ANKRD18A: variants seen among roughly 807,000 people sequenced by gnomAD.
ANKRD18A encodes the protein ankyrin repeat domain-containing protein 18A.
ANKRD18A carries 72 observed loss-of-function variants against 110.6 expected under a neutral mutation model. The ratio of observed to expected loss-of-function variants is 0.65; its 90% CI spans 0.54 to 0.79. The LOEUF (loss-of-function observed/expected upper bound fraction) is 0.79. Among genes scored for constraint, ANKRD18A ranks in the 30% least tolerant of loss-of-function variants. The probability of loss-of-function intolerance (pLI) is 0.00; values close to 1 mark genes in which losing one functional copy is unlikely to be tolerated. For missense variants in ANKRD18A, 934 were observed against 1,163.3 expected (o/e 0.80, Z 2.87); for synonymous variants, 305 against 410.3 (o/e 0.74, Z 3.10).
Position 38,610,266 on chromosome 9 carries a change from C to T in ANKRD18A, c.740+7G>A. On this transcript the variant is annotated splice_region_variant and intron_variant, in intron 5 of 15. Coordinates refer to ENST00000399703, the MANE Select transcript of ANKRD18A (RefSeq NM_147195.4). ...GTATTAACCGGTCTTTTAATATAAG[C>T]ACATACCTTCTCAAATCAGAACAAA... is the stretch of plus-strand genomic sequence containing the variant. The T allele has an allele frequency of 6.5e-7, 1 of 1,531,402 alleles. No homozygotes were observed. Among genetic ancestry groups the T allele is most frequent in the Non-Finnish European group, 8.8e-7 (1 of 1,140,348 alleles). 94.9% of individuals were successfully genotyped at this position (1,531,402 alleles called of 1,614,324 possible).
chr9:38,594,624 A>C (rs1443377429), intron 9 of ANKRD18A, among the ~76,000 whole-genome samples: 1 of 152,192 alleles, frequency 6.6e-6, no homozygotes, highest in African/African-American at 2.4e-5. Flanking sequence ...AAGTGGTCAG[A>C]AAAATACATA....
chr9:38,574,788 T>A (rs186328514), intron 15 of ANKRD18A, among the ~76,000 whole-genome samples: 20 of 152,234 alleles, frequency 1.3e-4, no homozygotes, highest in Admixed American at 1.3e-3. Context: ...GTTAAGTTGG[T>A]GCAAAGAAAC....
intron 15 of ANKRD18A, chr9:38,573,023 G>A (rs1326698732): frequency 2.2e-5 from 22 of 988,580 alleles, no homozygotes; most frequent in Non-Finnish European, 3.1e-5. Flanking sequence ...AATGCCATTT[G>A]CTATTTACAC....
chr9:38,618,137 A>G (rs1436955474), intron 1 of ANKRD18A, among the ~76,000 whole-genome samples: 2 of 152,184 alleles, frequency 1.3e-5, no homozygotes, highest in Non-Finnish European at 1.5e-5. Flanking sequence ...ATAGTGAGAA[A>G]TTATTTTTAT....
At chr9:38,569,442 C>T, downstream of ANKRD18A, 4 of 984,936 alleles carry the variant, frequency 4.1e-6, no homozygotes, top group Non-Finnish European at 4.8e-6. Context: ...TGCCTTTCAC[C>T]TAGAAAACAA....
chr9:38,589,575 G>A (rs1403323655), intron 10 of ANKRD18A, among the ~76,000 whole-genome samples: 1 of 152,134 alleles, frequency 6.6e-6, no homozygotes, highest in African/African-American at 2.4e-5. Flanking sequence ...TCTTTGTTCT[G>A]GGCCCAGTTT....
chr9:38,615,654 C>A lies in ANKRD18A; in HGVS notation c.435G>T (p.Lys145Asn), dbSNP rs774993738. The A allele has an allele frequency of 1.2e-6, 2 of 1,611,588 alleles. No individual in the cohort carries two copies. Among genetic ancestry groups the A allele is most frequent in the Non-Finnish European group, 1.7e-6 (2 of 1,179,630 alleles). Residue 145 changes from lysine to asparagine, a missense_variant, in exon 3 of 16, where the codon AAG becomes AAT. Transcript: ENST00000399703. ...NTALHYAVYNKGTSLAERLLS... is the reference protein window; with the variant it reads ...NTALHYAVYNNGTSLAERLLS... ...GCAGTCTTTCTGCCAGTGAAGTCCC[C>A]TTATTATACACGGCATAATGGAGAG...
Position 38,571,980 on chromosome 9 carries a change from T to TAA in ANKRD18A, c.*63_*64dup, listed in dbSNP as rs1448989851. ...CAACTTTTCCTTAAGATTTTATGGT[T>TAA]AATCTCTTCATTAGATGTGGCTTAC... is the stretch of plus-strand genomic sequence containing the variant. On this transcript the variant is annotated 3_prime_UTR_variant, in exon 16 of 16. Transcript: ENST00000399703. The TAA allele has an allele frequency of 6.9e-7, 1 of 1,447,686 alleles. No individual in the cohort carries two copies. The highest frequency in any genetic ancestry group is 2.5e-5 in the African/African-American group (1 of 40,038). The allele number at this position is 1,447,686 out of a possible 1,614,324, so 89.7% of individuals were successfully genotyped here. A position where few individuals can be genotyped will look rare whatever the true frequency, so the allele number is the denominator to read the frequency against.
At position 38,601,144 on chromosome 9, in the gene ANKRD18A, T is replaced by C. The variant is rs1825102500; in HGVS notation, c.923A>G (p.Asn308Ser). 3 of 1,557,204 alleles carry C rather than the reference T, an allele frequency of 1.9e-6. No homozygotes were observed. Among genetic ancestry groups the C allele is most frequent in the Admixed American group, 3.9e-5 (2 of 51,532 alleles). The change falls in exon 8 of 16, where the codon AAT (asparagine) becomes AGT (serine). Residue 308 changes from asparagine to serine, a missense_variant. Coordinates refer to ENST00000399703, the MANE Select transcript of ANKRD18A (RefSeq NM_147195.4). ...ATTGTTACATACCTGTGGCTGTTTA[T>C]TTTCACTTCTTTGGAGCCTTTCTTG... is the stretch of plus-strand genomic sequence containing the variant. ...EKQERLQRSE[N>S]KQPQDSQSYG...
At chr9:38,610,835 C>T (rs1825587227) in intron 4 of ANKRD18A, among the ~76,000 whole-genome samples, 1 of 149,102 alleles carries the variant, frequency 6.7e-6, no homozygotes, top group African/African-American at 2.5e-5. Context: ...AAAACAACAG[C>T]ATCAACAACA....
Position 38,620,526 on chromosome 9 carries a change from A to G in ANKRD18A, c.-241T>C. The G allele has an allele frequency of 1.5e-6, 2 of 1,369,718 alleles. No homozygotes were observed. The highest frequency in any genetic ancestry group is 1.9e-6 in the Non-Finnish European group (2 of 1,057,780). The allele number at this position is 1,369,718 out of a possible 1,614,324, so 84.8% of individuals were successfully genotyped here. ...CGACACTCGCAGACTCCGACCTCTC[A>G]GACCGAGTGAGCCCAGCTAAGCCGT... On this transcript the variant is annotated 5_prime_UTR_variant, in exon 1 of 16. Transcript: ENST00000399703.
Position 38,615,639 on chromosome 9 carries a change from T to G in ANKRD18A, c.450A>C (p.Ala150=), listed in dbSNP as rs773528385. 4.3e-6 allele frequency: 7 copies of G among 1,610,862 alleles called. No homozygotes were observed. In the East Asian group the frequency reaches 1.3e-4, roughly 31 times the overall value. ...YAVYNKGTSL[A]ERLLSHHANI... ...TTGCATGGTGGGAAAGCAGTCTTTCTGCCAGTGAAGTCCCCTTATTATACA... is the reference window on the plus strand; with the variant it reads ...TTGCATGGTGGGAAAGCAGTCTTTCGGCCAGTGAAGTCCCCTTATTATACA... Residue 150 remains alanine (A), a synonymous_variant, in exon 3 of 16, where the codon GCA becomes GCC. Coordinates refer to ENST00000399703, the MANE Select transcript of ANKRD18A (RefSeq NM_147195.4).
chr9:38,603,512 A>G (rs1386672929), intron 6 of ANKRD18A, among the ~76,000 whole-genome samples: 1 of 152,152 alleles, frequency 6.6e-6, no homozygotes, highest in African/African-American at 2.4e-5. Context: ...TTTTTTCTCA[A>G]TGCAGTTTTA....
In ANKRD18A at chr9:38,616,008, C is replaced by T; in HGVS notation, c.243G>A (p.Val81=). 3 of 1,593,940 alleles carry T rather than the reference C, an allele frequency of 1.9e-6. No individual in the cohort carries two copies. Among genetic ancestry groups the T allele is most frequent in the Non-Finnish European group, 2.6e-6 (3 of 1,169,498 alleles). Residue 81 remains valine, a synonymous_variant, in exon 2 of 16, where the codon GTG becomes GTA. Coordinates refer to ENST00000399703, the MANE Select transcript of ANKRD18A (RefSeq NM_147195.4). ...VLHLACAHGR[V]QVVTLLLHRR... ...TGTGCAGCAAGAGAGTGACCACTTG[C>T]ACACGGCCATGGGCACAGGCCAAAT... is the stretch of plus-strand genomic sequence containing the variant.
In ANKRD18A at chr9:38,595,901, C is replaced by T. The variant is rs1183166638; in HGVS notation, c.1439G>A (p.Arg480Gln). The change falls in exon 9 of 16, where the codon CGG becomes CAG. Residue 480 changes from arginine (R) to glutamine (Q), a missense_variant. Physicochemically the swap from Arg to Gln is conservative, Grantham distance 43 (BLOSUM62 1). Around this residue, in one of 4 missense-constraint regions of ANKRD18A, gnomAD observed 630 missense variants for 797.5 expected, o/e 0.79. Transcript: ENST00000399703. ...ELLTEQVHKA[R>Q]VKFNTLKGKL... ...ACCTTTTAAGGTATTGAACTTCACC[C>T]GAGCTTTATGGACCTGTTCAGTAAG... is the stretch of plus-strand genomic sequence containing the variant. 3.9e-6 allele frequency: 6 copies of T among 1,551,168 alleles called. No homozygotes were observed. The highest frequency in any genetic ancestry group is 1.4e-5 in the African/African-American group (1 of 73,110).
chr9:38,588,551 C>G lies in ANKRD18A; in HGVS notation c.2117G>C (p.Gly706Ala). ...KNRELEEEAT[G>A]YKKCLEMTIN... ...ATGTTCTACAATATGAAAACCATACCCAGTTGCCTCTTCTTCTAATTCACG... is the reference window on the plus strand; with the variant it reads ...ATGTTCTACAATATGAAAACCATACGCAGTTGCCTCTTCTTCTAATTCACG... Residue 706 changes from glycine to alanine, a missense_variant and splice_region_variant, in exon 11 of 16, where the codon GGA becomes GCA. Gly to Ala is a moderately conservative substitution (Grantham distance 60). Transcript: ENST00000399703. 1 of 1,314,352 alleles carries G rather than the reference C, an allele frequency of 7.6e-7. No individual in the cohort carries two copies. The highest frequency in any genetic ancestry group is 2.2e-5 in the South Asian group (1 of 46,422). 81.4% of individuals were successfully genotyped at this position (1,314,352 alleles called of 1,614,324 possible).
At chr9:38,587,637 A>G (rs1047988043) in intron 11 of ANKRD18A, among the ~76,000 whole-genome samples, 1 of 152,222 alleles carries the variant, frequency 6.6e-6, no homozygotes, top group African/African-American at 2.4e-5. Context: ...AGAAGGACAC[A>G]AATAGGTCTT....
At chr9:38,585,332 T>A (rs1157347002) in intron 12 of ANKRD18A, among the ~76,000 whole-genome samples, 2 of 152,260 alleles carry the variant, frequency 1.3e-5, no homozygotes, top group Non-Finnish European at 2.9e-5. Flanking sequence ...TTATCAATTG[T>A]CACCTAAAGA....
At chr9:38,602,425 C>A (rs1304304406) in intron 7 of ANKRD18A, among the ~76,000 whole-genome samples, 1 of 152,020 alleles carries the variant, frequency 6.6e-6, no homozygotes, top group Non-Finnish European at 1.5e-5. Context: ...CCTCCCAGAG[C>A]GTATGTTTTT....
Sources: gnomAD v4.1 joint callset for allele counts (sites outside exome capture counted in the v4.1 genomes callset) on GRCh38, gnomAD v4.1.1 for gene constraint, gnomAD v4.1.1 regional missense constraint, MANE v1.5 for transcripts, NCBI Gene and HGNC (gene_info 2026-07-23, HGNC 2026-07-21) for gene names.